EPB41L4A: variants seen among roughly 807,000 people sequenced by gnomAD.
The protein encoded by EPB41L4A is erythrocyte membrane protein band 4.1 like 4A.
A neutral mutation model predicts 108.6 loss-of-function variants in EPB41L4A; 100 were observed. That is an observed-to-expected ratio of 0.92 (90% confidence interval 0.78 to 1.09). The LOEUF (loss-of-function observed/expected upper bound fraction) is 1.09. Among genes scored for constraint, EPB41L4A ranks in the 50% least tolerant of loss-of-function variants. The pLI is 0.00. For synonymous variants in EPB41L4A, 319 were observed against 289.0 expected, an observed-to-expected ratio of 1.10 and a Z score of -1.05; for missense variants, 1,030 against 842.7, an observed-to-expected ratio of 1.22 and a Z score of -2.75.
At chr5:112,225,090 C>T (rs1748360385) in intron 12 of EPB41L4A, among the ~76,000 whole-genome samples, 1 of 152,170 alleles carries the variant, frequency 6.6e-6, no homozygotes, top group African/African-American at 2.4e-5. Context: ...CTCTCTTTTC[C>T]CAAACATTCC....
intron 1 of EPB41L4A, among the ~76,000 whole-genome samples, chr5:112,367,626 A>G (rs1403080172): frequency 4.6e-5 from 7 of 152,144 alleles, no homozygotes; most frequent in Admixed American, 4.6e-4. Context: ...TCCCAAACCA[A>G]CACCATCCTG....
intron 1 of EPB41L4A, among the ~76,000 whole-genome samples, chr5:112,348,335 A>C (rs74382853): frequency 0.07 from 10,585 of 152,212 alleles, 1,016 homozygotes; most frequent in African/African-American, 0.22. Flanking sequence ...AAACCTCTCA[A>C]AAGCCATGGC....
At chr5:112,307,979 T>C (rs1418308923) in intron 1 of EPB41L4A, among the ~76,000 whole-genome samples, 1 of 152,168 alleles carries the variant, frequency 6.6e-6, no homozygotes, top group African/African-American at 2.4e-5. Context: ...AACCCATAGA[T>C]TAAAGCTGCT....
chr5:112,349,322 A>T (rs1757886099), intron 1 of EPB41L4A, among the ~76,000 whole-genome samples: 1 of 152,152 alleles, frequency 6.6e-6, no homozygotes, highest in Non-Finnish European at 1.5e-5. Context: ...GGCTCAGATA[A>T]CCAACTGGAG....
intron 5 of EPB41L4A, among the ~76,000 whole-genome samples, chr5:112,265,593 T>A (rs148653289): frequency 6.6e-6 from 1 of 152,356 alleles, no homozygotes; most frequent in African/African-American, 2.4e-5. Flanking sequence ...TCTATGACAT[T>A]TTTCCTAGCA....
At chr5:112,299,245 A>G (rs1754199592) in intron 2 of EPB41L4A, among the ~76,000 whole-genome samples, 1 of 152,058 alleles carries the variant, frequency 6.6e-6, no homozygotes, top group Admixed American at 6.6e-5. Flanking sequence ...TAGATTGTCT[A>G]GTTGTGCTCT....
chr5:112,274,019 T>G (rs77511896), intron 4 of EPB41L4A, among the ~76,000 whole-genome samples: 14,700 of 151,910 alleles, frequency 0.097, 811 homozygotes, highest in Middle Eastern at 0.13. Context: ...GCTGGCACAG[T>G]GACTCACGCT....
rs145199684 is a variant in EPB41L4A, at chr5:112,232,918, C to G, written c.1087+1716G>C. Among the ~76,000 whole-genome samples, 780 of 152,184 alleles carry G rather than the reference C, an allele frequency of 5.1e-3. 6 individuals are homozygous for G. The highest frequency in any genetic ancestry group is 0.01 in the Middle Eastern group (3 of 294). On this transcript the variant is annotated intron_variant, in intron 12 of 22. Transcript: ENST00000261486. ...CTGGAGAGTGTTAGACAAGGGTGAT[C>G]TATAAGCAAGCCACAAACTAACGTC...
At chr5:112,313,540 G>A (rs140836884) in intron 1 of EPB41L4A, among the ~76,000 whole-genome samples, 3,500 of 152,232 alleles carry the variant, frequency 0.023, 151 homozygotes, top group African/African-American at 0.078. Flanking sequence ...GCAGTAAGCC[G>A]AGATCATGCC....
rs186970533 is a variant in EPB41L4A at position 112,372,344 on chromosome 5, C to T, written c.99+46597G>A. Among the ~76,000 whole-genome samples, 139 of 152,212 alleles carry T rather than the reference C, an allele frequency of 9.1e-4. 1 individual carries two copies. The East Asian group carries it at 0.023, about 25-fold the overall frequency. On this transcript the variant is annotated intron_variant, in intron 1 of 22. Coordinates refer to ENST00000261486, the MANE Select transcript of EPB41L4A (RefSeq NM_022140.5). Reference sequence around the variant, plus strand: ...ATCATGAGAACAGCATAGGGAAAACCGCCCCCATGATCCAATCACCTCCAC... The same window carrying T: ...ATCATGAGAACAGCATAGGGAAAACTGCCCCCATGATCCAATCACCTCCAC...
At chr5:112,231,648 G>A (rs556990486) in intron 12 of EPB41L4A, among the ~76,000 whole-genome samples, 25 of 151,386 alleles carry the variant, frequency 1.7e-4, no homozygotes, top group African/African-American at 2.7e-4. Flanking sequence ...AGCCGGGCGC[G>A]GTGGCGGGCG....
At chr5:112,345,502 T>A (rs958357568) in intron 1 of EPB41L4A, among the ~76,000 whole-genome samples, 2 of 152,130 alleles carry the variant, frequency 1.3e-5, no homozygotes, top group African/African-American at 4.8e-5. Context: ...GAAGGAAATA[T>A]ACAAAAATGT....
chr5:112,258,970 A>G (rs1267668244), intron 9 of EPB41L4A, among the ~76,000 whole-genome samples: 1 of 152,126 alleles, frequency 6.6e-6, no homozygotes, highest in Non-Finnish European at 1.5e-5. Context: ...AACAACAATG[A>G]TCACCTCCTA....
intron 1 of EPB41L4A, among the ~76,000 whole-genome samples, chr5:112,323,685 C>A (rs952242736): frequency 6.6e-6 from 1 of 152,200 alleles, no homozygotes; most frequent in Admixed American, 6.5e-5. Context: ...CATCTTTGCC[C>A]TCCTTCCTCT....
intron 1 of EPB41L4A, among the ~76,000 whole-genome samples, chr5:112,355,207 A>C (rs1043910695): frequency 2.0e-5 from 3 of 152,250 alleles, no homozygotes; most frequent in African/African-American, 7.2e-5. Context: ...ATTCTCACTT[A>C]CTTGGAACTT....
At chr5:112,341,537 A>T (rs1249289898) in intron 1 of EPB41L4A, among the ~76,000 whole-genome samples, 1 of 152,222 alleles carries the variant, frequency 6.6e-6, no homozygotes, top group Admixed American at 6.5e-5. Flanking sequence ...TAACCTCACA[A>T]ATCAGCAAGG....
intron 2 of EPB41L4A, among the ~76,000 whole-genome samples, chr5:112,301,466 T>C (rs540738498): frequency 6.6e-6 from 1 of 152,194 alleles, no homozygotes; most frequent in Non-Finnish European, 1.5e-5. Flanking sequence ...AGGCTGGTAC[T>C]AGGGGTTGTC....
chr5:112,401,121 T>A (rs565593325), intron 1 of EPB41L4A, among the ~76,000 whole-genome samples: 2 of 152,190 alleles, frequency 1.3e-5, no homozygotes, highest in Non-Finnish European at 2.9e-5. Flanking sequence ...TTCACTGATT[T>A]TCCTGGCCCC....
intron 1 of EPB41L4A, among the ~76,000 whole-genome samples, chr5:112,417,356 T>C (rs1170207170): frequency 6.6e-6 from 1 of 152,228 alleles, no homozygotes; most frequent in Admixed American, 6.5e-5. Flanking sequence ...CAGATGACTT[T>C]AGACTCCAGA....
Sources: allele counts gnomAD v4.1 joint callset (sites outside exome capture counted in the v4.1 genomes callset), GRCh38; gene constraint gnomAD v4.1.1; transcripts MANE v1.5; gene names NCBI Gene and HGNC (gene_info 2026-07-23, HGNC 2026-07-21).